Variants in HAO1 observed in about 807,000 individuals in gnomAD.
The protein encoded by HAO1 is hydroxyacid oxidase 1.
Under a neutral mutation model 39.7 loss-of-function variants are expected in HAO1, and 34 were observed. The observed-to-expected ratio is 0.86, with a 90% CI of 0.65 to 1.14. HAO1 has a LOEUF of 1.14. Among genes scored for constraint, HAO1 ranks in the 50% most tolerant of loss-of-function variants. The pLI is 0.00. For missense variants in HAO1, 479 were observed against 464.5 expected (o/e 1.03, Z -0.29); for synonymous variants, 172 against 173.2 (o/e 0.99, Z 0.05).
chr20:7,906,318 A>G lies in HAO1; in HGVS notation c.557T>C (p.Phe186Ser). 6.3e-7 allele frequency: 1 copy of G among 1,595,682 alleles called. No homozygotes were observed. Among genetic ancestry groups the G allele is most frequent in the South Asian group, 1.1e-5 (1 of 89,436 alleles). ...AGAAAATGATAAAGTACTGGTTTCAAAATTTTTCATCCTAAAATAAGAAAT... is the reference window on the plus strand; with the variant it reads ...AGAAAATGATAAAGTACTGGTTTCAGAATTTTTCATCCTAAAATAAGAAAT... Reference protein sequence around the residue: ...KLPPQLRMKNFETSTLSFSPE... With the variant: ...KLPPQLRMKNSETSTLSFSPE... Residue 186 changes from phenylalanine (F) to serine (S), a missense_variant, in exon 4 of 8, where the codon TTT (phenylalanine) becomes TCT (serine). Phe to Ser is a radical substitution (Grantham distance 155). Coordinates refer to ENST00000378789, the MANE Select transcript of HAO1 (RefSeq NM_017545.3).
intron 6 of HAO1, 42 bp from the exon 7 acceptor site, chr20:7,885,632 A>G (rs772038331): frequency 3.1e-5 from 48 of 1,559,622 alleles, no homozygotes; most frequent in Non-Finnish European, 3.9e-5. Flanking sequence ...GAACTAAATC[A>G]GTCTGACTTG....
intron 6 of HAO1, 51 bp downstream of exon 6, chr20:7,885,655 G>A: frequency 1.3e-6 from 2 of 1,569,818 alleles, no homozygotes; most frequent in Non-Finnish European, 1.8e-6. Flanking sequence ...TTATTCATTT[G>A]TTTTACTGTC....
chr20:7,889,193 T>C (rs2050163288), intron 5 of HAO1, among the ~76,000 whole-genome samples: 1 of 151,586 alleles, frequency 6.6e-6, no homozygotes, highest in East Asian at 1.9e-4. Flanking sequence ...ACTCTTTTTA[T>C]AGAAGAAAAT....
At chr20:7,931,012 A>T (rs1038788319) in intron 2 of HAO1, among the ~76,000 whole-genome samples, 4 of 152,170 alleles carry the variant, frequency 2.6e-5, no homozygotes, top group African/African-American at 9.7e-5. Context: ...TTCTGGATAC[A>T]CCTAAATATT....
chr20:7,903,858 CGGTGGTGGTGGTGGTGGTGGTGGT>C (rs10585629), intron 4 of HAO1, among the ~76,000 whole-genome samples: 80 of 57,616 alleles, frequency 1.4e-3, no homozygotes, highest in South Asian at 5.2e-3. Context: ...ATTGTGGTAG[CGGTGGTGGTGGTGGTGGTGGTGGT>C]GGTGGTGGTG....
At position 7,897,204 on chromosome 20, in the gene HAO1, T is replaced by C. The variant is rs949759533; in HGVS notation, c.722-1980A>G. Among the ~76,000 whole-genome samples the C allele has an allele frequency of 4.6e-5, 7 of 152,334 alleles. No homozygotes were observed. In the South Asian group the frequency reaches 1.2e-3, roughly 27 times the overall value. On this transcript the variant is annotated intron_variant, in intron 4 of 7. Transcript: ENST00000378789. Reference sequence around the variant, plus strand: ...ACTGACACCAGTTTGATTTGAATTATTTTATAAGTAAACAGTTTTATGTTT... The same window carrying C: ...ACTGACACCAGTTTGATTTGAATTACTTTATAAGTAAACAGTTTTATGTTT...
At chr20:7,896,603 C>T (rs2050199035) in intron 4 of HAO1, among the ~76,000 whole-genome samples, 1 of 152,024 alleles carries the variant, frequency 6.6e-6, no homozygotes. Context: ...ATGCTATAGA[C>T]TAAATATTTA....
intron 3 of HAO1, among the ~76,000 whole-genome samples, chr20:7,911,449 A>G (rs2050279131): frequency 6.6e-6 from 1 of 152,206 alleles, no homozygotes; most frequent in Non-Finnish European, 1.5e-5. Context: ...TAAATGAACC[A>G]TCTCCATGGG....
intron 2 of HAO1, among the ~76,000 whole-genome samples, chr20:7,925,629 T>C (rs2050355572): frequency 6.6e-6 from 1 of 152,182 alleles, no homozygotes; most frequent in Admixed American, 6.5e-5. Context: ...AATAATGGTT[T>C]TAAGGAGTAT....
Position 7,914,092 on chromosome 20 carries a change from A to G in HAO1, c.545+72T>C, listed in dbSNP as rs921745430. ...GATGTTTAGCAACGTTGCTATCAGT[A>G]GAACCCAGACCCTAACATTCCCAGT... On this transcript the variant is annotated intron_variant, in intron 3 of 7. Transcript: ENST00000378789. 2.6e-6 allele frequency: 4 copies of G among 1,544,600 alleles called. No homozygotes were observed. The South Asian group carries it at 3.4e-5, about 13-fold the overall frequency.
In HAO1 at chr20:7,925,781, T is replaced by G. The variant is rs146369717; in HGVS notation, c.289+8703A>C. Among the ~76,000 whole-genome samples the G allele has an allele frequency of 6.9e-4, 105 of 152,204 alleles. No individual in the cohort carries two copies. In the East Asian group the frequency reaches 0.02, roughly 29 times the overall value. ...TTAATAATTCTGAGAAGAAGCAATC[T>G]CATGCTCTCAAGAAAGCCACCCAAT... On this transcript the variant is annotated intron_variant, in intron 2 of 7. Transcript: ENST00000378789.
chr20:7,936,405 A>G (rs2050410295), intron 1 of HAO1, among the ~76,000 whole-genome samples: 1 of 152,128 alleles, frequency 6.6e-6, no homozygotes, highest in South Asian at 2.1e-4. Context: ...AATAGCAGCC[A>G]TTGGCATGCC....
In HAO1 at chr20:7,885,797, A is replaced by G; in HGVS notation, c.881T>C (p.Val294Ala). Residue 294 changes from valine (V) to alanine (A), a missense_variant, in exon 6 of 8, where the codon GTG becomes GCG. Val to Ala is a moderately conservative substitution (Grantham distance 64). Coordinates refer to ENST00000378789, the MANE Select transcript of HAO1 (RefSeq NM_017545.3). Reference sequence around the variant, plus strand: ...TTTCAGAACATCAGTGCCTTTCCGCACACCCCCGTCCAGGAAGACTTCCAC... The same window carrying G: ...TTTCAGAACATCAGTGCCTTTCCGCGCACCCCCGTCCAGGAAGACTTCCAC... ...GKVEVFLDGG[V>A]RKGTDVLKAL... 1 of 1,613,448 alleles carries G rather than the reference A, an allele frequency of 6.2e-7. No homozygotes were observed. The highest frequency in any genetic ancestry group is 2.2e-5 in the East Asian group (1 of 44,848).
At chr20:7,893,898 G>A (rs568545306) in intron 5 of HAO1, among the ~76,000 whole-genome samples, 2 of 152,110 alleles carry the variant, frequency 1.3e-5, no homozygotes, top group Non-Finnish European at 1.5e-5. Context: ...AAGGAGAAAC[G>A]GTTGGGCAGT....
At chr20:7,917,339 C>CA (rs55848354) in intron 2 of HAO1, among the ~76,000 whole-genome samples, 12,356 of 62,198 alleles carry the variant, frequency 0.2, 1,388 homozygotes, top group East Asian at 0.4. Context: ...GACTCCCTGT[C>CA]AAAAAAAAAA....
chr20:7,903,493 T>C (rs865783374), intron 4 of HAO1, among the ~76,000 whole-genome samples: 27 of 151,838 alleles, frequency 1.8e-4, no homozygotes, highest in Non-Finnish European at 2.9e-4. Flanking sequence ...ATGGTGGTGA[T>C]AGGAGTGGTG....
intron 4 of HAO1, among the ~76,000 whole-genome samples, chr20:7,900,555 G>T (rs2050217073): frequency 6.6e-6 from 1 of 152,076 alleles, no homozygotes; most frequent in Middle Eastern, 3.2e-3. Context: ...GATCTTTGAT[G>T]TTACTATTGT....
At chr20:7,905,482 C>G (rs1346956968) in intron 4 of HAO1, among the ~76,000 whole-genome samples, 1 of 152,078 alleles carries the variant, frequency 6.6e-6, no homozygotes, top group East Asian at 1.9e-4. Context: ...TCTATATAAC[C>G]AAAGGTTATA....
At chr20:7,901,606 A>T (rs2050221681) in intron 4 of HAO1, among the ~76,000 whole-genome samples, 1 of 152,230 alleles carries the variant, frequency 6.6e-6, no homozygotes. Flanking sequence ...CTGGTGGAAG[A>T]ACACAAAAAG....
Sources: gnomAD v4.1 joint callset for allele counts (sites outside exome capture counted in the v4.1 genomes callset) on GRCh38, gnomAD v4.1.1 for gene constraint, MANE v1.5 for transcripts, NCBI Gene and HGNC (gene_info 2026-07-23, HGNC 2026-07-21) for gene names.